The following EDA variants were observed in gnomAD, a reference collection of about 807,000 sequenced individuals.
EDA encodes ectodysplasin A.
A neutral mutation model predicts 23.6 loss-of-function variants in EDA; 2 were observed. The observed-to-expected ratio is 0.08, with a 90% CI of 0.03 to 0.27. EDA has a LOEUF of 0.27. EDA is among the 10% of genes least tolerant of loss of function. The probability of loss-of-function intolerance (pLI) is 1.00; values close to 1 mark genes in which losing one functional copy is unlikely to be tolerated. For missense variants in EDA, 229 were observed against 324.2 expected (o/e 0.71, Z 2.26); for synonymous variants, 131 against 132.0 (o/e 0.99, Z 0.05).
At chrX:69,925,578 A>G (rs1266341495) in intron 1 of EDA, among the ~76,000 whole-genome samples, 1 of 111,372 alleles carries the variant, frequency 9.0e-6, no homozygotes, top group African/African-American at 3.3e-5. Context: ...GGATTTTTGC[A>G]TCAATATTCA....
intron 1 of EDA, among the ~76,000 whole-genome samples, chrX:69,857,233 G>A (rs1208783506): frequency 8.9e-6 from 1 of 111,749 alleles, no homozygotes; most frequent in Non-Finnish European, 1.9e-5. Context: ...TAATCTATGT[G>A]CCTATTTTTA....
chrX:70,019,851 G>A (rs1292337356), intron 2 of EDA, among the ~76,000 whole-genome samples: 4 of 111,577 alleles, frequency 3.6e-5, no homozygotes, highest in Non-Finnish European at 5.6e-5. Flanking sequence ...GTGACACACA[G>A]TTTATCTATA....
chrX:69,719,507 T>G lies in EDA; in HGVS notation c.396+102803T>G, dbSNP rs1263621611. Reference sequence around the variant, plus strand: ...TTCATCCCTTACCACTCTCTCACCCTCCCCACTTCTGAGTCTCCAATGTTC... The same window carrying G: ...TTCATCCCTTACCACTCTCTCACCCGCCCCACTTCTGAGTCTCCAATGTTC... On this transcript the variant is annotated intron_variant, in intron 1 of 7. Transcript: ENST00000374552. Among the ~76,000 whole-genome samples the G allele has an allele frequency of 4.5e-5, 5 of 110,535 alleles. No individual in the cohort carries two copies. The East Asian group carries it at 1.4e-3, about 32-fold the overall frequency.
intron 1 of EDA, among the ~76,000 whole-genome samples, chrX:69,738,983 A>G (rs934251283): frequency 9.0e-6 from 1 of 111,199 alleles, no homozygotes. Flanking sequence ...ATAGAGTGTT[A>G]TATTGATGTC....
chrX:69,936,013 T>TTA (rs1457959824), intron 1 of EDA, among the ~76,000 whole-genome samples: 1 of 106,600 alleles, frequency 9.4e-6, no homozygotes, highest in African/African-American at 3.4e-5. Context: ...TATGAGTACA[T>TTA]TATATATATA....
chrX:69,712,418 C>T (rs1460823824), intron 1 of EDA, among the ~76,000 whole-genome samples: 1 of 111,573 alleles, frequency 9.0e-6, no homozygotes, highest in Non-Finnish European at 1.9e-5. Flanking sequence ...ACAGACACTT[C>T]TCAAAAGAAG....
At chrX:69,769,683 A>G (rs1463574939) in intron 1 of EDA, among the ~76,000 whole-genome samples, 1 of 111,207 alleles carries the variant, frequency 9.0e-6, no homozygotes, top group Non-Finnish European at 1.9e-5. Flanking sequence ...ATCTCTTAGT[A>G]TGTTAGGGGT....
intron 1 of EDA, among the ~76,000 whole-genome samples, chrX:69,951,635 T>C (rs1015317123): frequency 4.5e-5 from 5 of 111,518 alleles, no homozygotes; most frequent in African/African-American, 6.5e-5. Flanking sequence ...ATGAATTAAA[T>C]TTACTCTATG....
intron 1 of EDA, among the ~76,000 whole-genome samples, chrX:69,748,174 T>C (rs1397113501): frequency 9.0e-6 from 1 of 110,840 alleles, no homozygotes; most frequent in Non-Finnish European, 1.9e-5. Context: ...AAACTTGGAG[T>C]TCCAAGATTT....
intron 1 of EDA, among the ~76,000 whole-genome samples, chrX:69,798,784 C>T (rs1008602192): frequency 1.8e-5 from 2 of 110,615 alleles, no homozygotes; most frequent in African/African-American, 6.6e-5. Flanking sequence ...AAGACCAGAG[C>T]ACACCTACAG....
chrX:69,781,784 A>G (rs185210679), intron 1 of EDA, among the ~76,000 whole-genome samples: 2 of 111,254 alleles, frequency 1.8e-5, no homozygotes, highest in East Asian at 2.8e-4. Flanking sequence ...CAGAAATTCT[A>G]TGATTAAAAA....
intron 1 of EDA, among the ~76,000 whole-genome samples, chrX:69,802,591 T>C (rs2015717775): frequency 1.8e-5 from 2 of 110,944 alleles, no homozygotes; most frequent in Non-Finnish European, 3.8e-5. Flanking sequence ...TTTGAAGGTA[T>C]TGGATTGGAT....
At chrX:69,981,603 G>A (rs1408652815) in intron 2 of EDA, among the ~76,000 whole-genome samples, 1 of 111,567 alleles carries the variant, frequency 9.0e-6, no homozygotes, top group African/African-American at 3.3e-5. Context: ...GGTCACGTGG[G>A]AGAAACATTA....
chrX:69,889,476 C>T (rs2017890598), intron 1 of EDA, among the ~76,000 whole-genome samples: 1 of 111,220 alleles, frequency 9.0e-6, no homozygotes. Context: ...TAACAATAGT[C>T]TTCCAATTGG....
chrX:69,870,585 A>G (rs2017551193), intron 1 of EDA, among the ~76,000 whole-genome samples: 1 of 111,085 alleles, frequency 9.0e-6, no homozygotes, highest in African/African-American at 3.3e-5. Flanking sequence ...AGCATAGGTC[A>G]GGGAGGGGAC....
intron 1 of EDA, among the ~76,000 whole-genome samples, chrX:69,648,739 C>G (rs981198335): frequency 2.7e-5 from 3 of 111,773 alleles, no homozygotes; most frequent in Non-Finnish European, 5.6e-5. Flanking sequence ...GAATCACCCC[C>G]CTTCCTAGGG....
At chrX:69,754,142 T>C (rs925465748) in intron 1 of EDA, among the ~76,000 whole-genome samples, 2 of 112,171 alleles carry the variant, frequency 1.8e-5, no homozygotes, top group Non-Finnish European at 3.8e-5. Context: ...TGCTTGTTAG[T>C]TGATGCACTT....
intron 1 of EDA, among the ~76,000 whole-genome samples, chrX:69,931,369 A>G (rs187605292): frequency 1.4e-3 from 162 of 111,921 alleles, no homozygotes; most frequent in Non-Finnish European, 2.3e-3. Flanking sequence ...TAAAAAGCAC[A>G]CAACTCAATA....
intron 1 of EDA, among the ~76,000 whole-genome samples, chrX:69,663,514 G>A (rs1933583377): frequency 8.9e-6 from 1 of 112,697 alleles, no homozygotes; most frequent in African/African-American, 3.2e-5. Context: ...GAAATGCCTG[G>A]ATGTCCAGGC....
Sources: allele counts gnomAD v4.1 joint callset (sites outside exome capture counted in the v4.1 genomes callset), GRCh38; gene constraint gnomAD v4.1.1; transcripts MANE v1.5; gene names NCBI Gene and HGNC (gene_info 2026-07-23, HGNC 2026-07-21).